ZSCAN5B: variants seen among roughly 807,000 people sequenced by gnomAD.
ZSCAN5B encodes the protein zinc finger and SCAN domain-containing protein 5B.
Under a neutral mutation model 25.2 loss-of-function variants are expected in ZSCAN5B, and 26 were observed. The ratio of observed to expected loss-of-function variants is 1.03; its 90% CI spans 0.76 to 1.43. The LOEUF (loss-of-function observed/expected upper bound fraction) is 1.43, where lower values mean the gene tolerates loss of function less well. Ranked by LOEUF, ZSCAN5B falls within the 40% of genes most tolerant of loss-of-function variation. The pLI is 0.00. For missense variants in ZSCAN5B, 745 were observed against 622.1 expected (o/e 1.20, Z -2.10); for synonymous variants, 244 against 240.9 (o/e 1.01, Z -0.12).
rs181601692 is a variant in ZSCAN5B at position 56,190,618 on chromosome 19, G to A, written c.740-43C>T. On this transcript the variant is annotated intron_variant, in intron 4 of 4. Coordinates refer to ENST00000586855, the Ensembl canonical transcript of ZSCAN5B. Reference sequence around the variant, plus strand: ...TCCACACACAACAGTTAACAAAGCCGATTTTCAATACACCAAACTCATTGC... The same window carrying A: ...TCCACACACAACAGTTAACAAAGCCAATTTTCAATACACCAAACTCATTGC... The A allele has an allele frequency of 1.4e-5, 23 of 1,591,192 alleles. 1 individual carries two copies. The East Asian group carries it at 1.6e-4, about 11-fold the overall frequency.
chr19:56,194,834 T>C (rs1209127958), intron 1 of ZSCAN5B, among the ~76,000 whole-genome samples: 1 of 152,158 alleles, frequency 6.6e-6, no homozygotes, highest in African/African-American at 2.4e-5. Context: ...CTCAAACTCC[T>C]GACCTCGGGT....
chr19:56,197,340 C>T (rs907143039), intron 1 of ZSCAN5B, among the ~76,000 whole-genome samples: 2 of 151,500 alleles, frequency 1.3e-5, no homozygotes, highest in Admixed American at 6.6e-5. Context: ...TGGGTTCAAA[C>T]GACTCTCCTG....
intron 2 of ZSCAN5B, 99 bp downstream of exon 2, chr19:56,192,569 GT>G: frequency 6.6e-7 from 1 of 1,517,712 alleles, no homozygotes; most frequent in South Asian, 1.3e-5. Context: ...CCTAGGTCAG[GT>G]ATTTGCAATA....
intron 3 of ZSCAN5B, 84 bp downstream of exon 3, chr19:56,191,766 T>C (rs1224717390): frequency 7.1e-7 from 1 of 1,409,242 alleles, no homozygotes; most frequent in Non-Finnish European, 9.8e-7. Context: ...CTGTGCCAAA[T>C]CTCTCAATCA....
rs763966210 is a variant in ZSCAN5B at position 56,190,808 on chromosome 19, C to A, written c.739+29G>T. 6 of 1,609,286 alleles carry A rather than the reference C, an allele frequency of 3.7e-6. No homozygotes were observed. The African/African-American group carries it at 5.4e-5, about 14-fold the overall frequency. On this transcript the variant is annotated intron_variant, in intron 4 of 4. Coordinates refer to ENST00000586855, the Ensembl canonical transcript of ZSCAN5B. ...CCGCACCCCAGAAGAGAGGGACTAACCCCTGTGGATCCAAGTCTTCATACT... is the reference window on the plus strand; with the variant it reads ...CCGCACCCCAGAAGAGAGGGACTAAACCCTGTGGATCCAAGTCTTCATACT...
rs2032752629 is a variant in ZSCAN5B, at chr19:56,192,657, G to A, written c.384+12C>T. ...TCCCCTTCCCTGCACCAATCACGAG[G>A]TTCCCACTCACCCATTTCTTGGGTC... On this transcript the variant is annotated intron_variant, in intron 2 of 4. Coordinates refer to ENST00000586855, the Ensembl canonical transcript of ZSCAN5B. The A allele has an allele frequency of 1.3e-6, 2 of 1,593,236 alleles. No homozygotes were observed. The highest frequency in any genetic ancestry group is 2.7e-5 in the African/African-American group (2 of 74,320).
exon 5 of ZSCAN5B, chr19:56,190,152 C>T (rs754134274): frequency 4.3e-6 from 7 of 1,614,008 alleles, no homozygotes; most frequent in Non-Finnish European, 5.9e-6. Flanking sequence ...GCGCTTCCGA[C>T]AGAGATCACA....
intron 1 of ZSCAN5B, among the ~76,000 whole-genome samples, chr19:56,195,482 C>A (rs1007464531): frequency 6.6e-6 from 1 of 151,590 alleles, no homozygotes; most frequent in South Asian, 2.1e-4. Context: ...ACACATGGAA[C>A]GAGTGTTGGT....
chr19:56,192,035 C>T lies in ZSCAN5B; in HGVS notation c.403G>A (p.Gly135Ser), dbSNP rs752770185. 3.0e-5 allele frequency: 48 copies of T among 1,612,448 alleles called. No individual in the cohort carries two copies. Among genetic ancestry groups the T allele is most frequent in the Admixed American group, 6.7e-5 (4 of 59,782 alleles). ...GAGTTCAGCATAAGATATTCTTTGC[C>T]GAGCAAGTTGACTATAGACTGTAGA... is the stretch of plus-strand genomic sequence containing the variant. Residue 135 changes from glycine (G) to serine (S), a missense_variant, in exon 3 of 5, where the codon GGC (glycine) becomes AGC (serine). Coordinates refer to ENST00000586855, the Ensembl canonical transcript of ZSCAN5B.
chr19:56,191,858 T>A (rs759519458), exon 3 of ZSCAN5B: 1 of 1,613,900 alleles, frequency 6.2e-7, no homozygotes, highest in Non-Finnish European at 8.5e-7. Flanking sequence ...ACCTGCCTCC[T>A]GGACAGTGCA....
chr19:56,195,329 G>A (rs1443276613), intron 1 of ZSCAN5B, among the ~76,000 whole-genome samples: 1 of 152,186 alleles, frequency 6.6e-6, no homozygotes, highest in Non-Finnish European at 1.5e-5. Context: ...GGCTTAAGGC[G>A]CCTGTGTGGA....
chr19:56,193,753 G>A (rs2032771063), intron 1 of ZSCAN5B, among the ~76,000 whole-genome samples: 1 of 152,094 alleles, frequency 6.6e-6, no homozygotes, highest in South Asian at 2.1e-4. Context: ...ACGAGGTCAG[G>A]AGATCGAGAC....
At chr19:56,195,393 C>T (rs3103607) in intron 1 of ZSCAN5B, among the ~76,000 whole-genome samples, 12 of 152,062 alleles carry the variant, frequency 7.9e-5, no homozygotes, top group South Asian at 6.2e-4. Context: ...AGGTGCTCGT[C>T]ATCACTCATC....
chr19:56,191,405 C>G (rs1016485715), intron 3 of ZSCAN5B, among the ~76,000 whole-genome samples: 9 of 152,124 alleles, frequency 5.9e-5, no homozygotes, highest in Non-Finnish European at 1.2e-4. Flanking sequence ...CTGAGAATGC[C>G]AAACAAAAAT....
chr19:56,193,793 T>G (rs1047742155), intron 1 of ZSCAN5B, among the ~76,000 whole-genome samples: 1 of 151,986 alleles, frequency 6.6e-6, no homozygotes, highest in Non-Finnish European at 1.5e-5. Context: ...AAACCCCGTC[T>G]CTACTAAAAA....
chr19:56,190,166 A>C, exon 5 of ZSCAN5B: 1 of 1,614,046 alleles, frequency 6.2e-7, no homozygotes, highest in Non-Finnish European at 8.5e-7. Flanking sequence ...GATCACATTG[A>C]AAGGGTCTGT....
intron 1 of ZSCAN5B, among the ~76,000 whole-genome samples, chr19:56,196,771 T>A (rs2032815741): frequency 6.6e-6 from 1 of 152,194 alleles, no homozygotes; most frequent in South Asian, 2.1e-4. Flanking sequence ...TCGTTTTGTT[T>A]ATTTATTAAG....
intron 1 of ZSCAN5B, among the ~76,000 whole-genome samples, chr19:56,194,629 G>A (rs1302501544): frequency 6.6e-6 from 1 of 151,916 alleles, no homozygotes; most frequent in Non-Finnish European, 1.5e-5. Context: ...TTTTATTTAT[G>A]TTTTTTGAGG....
At chr19:56,193,932 G>C (rs964094209) in intron 1 of ZSCAN5B, among the ~76,000 whole-genome samples, 4 of 146,762 alleles carry the variant, frequency 2.7e-5, no homozygotes, top group Non-Finnish European at 4.5e-5. Context: ...ACTCCAGCCT[G>C]GGTGACAGAG....
Sources: gnomAD v4.1 joint callset for allele counts (sites outside exome capture counted in the v4.1 genomes callset) on GRCh38, gnomAD v4.1.1 for gene constraint, MANE v1.5 for transcripts, NCBI Gene and HGNC (gene_info 2026-07-23, HGNC 2026-07-21) for gene names.